COL21A1: variants seen among roughly 807,000 people sequenced by gnomAD.
COL21A1 encodes the protein collagen alpha-1(XXI) chain.
A neutral mutation model predicts 137.9 loss-of-function variants in COL21A1; 149 were observed. That is an observed-to-expected ratio of 1.08 (90% CI 0.95 to 1.24). COL21A1 has a LOEUF of 1.24. COL21A1 is among the 50% of genes most tolerant of loss of function. The pLI is 0.00. For missense variants in COL21A1, 1,167 were observed against 1,158.4 expected, an observed-to-expected ratio of 1.01 and a Z score of -0.11; for synonymous variants, 456 against 391.5, an observed-to-expected ratio of 1.16 and a Z score of -1.95.
intron 1 of COL21A1, among the ~76,000 whole-genome samples, chr6:56,350,313 C>T (rs1241386398): frequency 6.6e-6 from 1 of 152,144 alleles, no homozygotes; most frequent in Non-Finnish European, 1.5e-5. Context: ...GAAGGAGCAA[C>T]AGAGAGGATG....
At chr6:56,158,503 C>T (rs1328125205) in intron 9 of COL21A1, among the ~76,000 whole-genome samples, 1 of 151,870 alleles carries the variant, frequency 6.6e-6, no homozygotes, top group Non-Finnish European at 1.5e-5. Flanking sequence ...AACTCCTGGG[C>T]TCAAGTGATC....
At position 56,132,130 on chromosome 6, in the gene COL21A1, G is replaced by A. The variant is rs187941872; in HGVS notation, c.1543-5981C>T. On this transcript the variant is annotated intron_variant, in intron 12 of 29. Transcript: ENST00000244728. ...ACCAATATAAAATATATTTTTAAAG[G>A]GCTCCATTTATAATAAAAACAAAAG... Among the ~76,000 whole-genome samples, 55 of 150,050 alleles carry A rather than the reference G, an allele frequency of 3.7e-4. No homozygotes were observed. In the East Asian group the frequency reaches 7.6e-3, roughly 21 times the overall value.
intron 23 of COL21A1, among the ~76,000 whole-genome samples, chr6:56,065,332 T>C (rs989711586): frequency 2.0e-5 from 3 of 152,054 alleles, no homozygotes; most frequent in African/African-American, 7.2e-5. Context: ...TAGTAATGAA[T>C]TCATCAATTT....
At chr6:56,276,405 G>T in intron 1 of COL21A1, 2 of 561,494 alleles carry the variant, frequency 3.6e-6, no homozygotes, top group South Asian at 2.3e-5. Context: ...TTTTAAAAAG[G>T]TTTCCTGTTT....
intron 17 of COL21A1, among the ~76,000 whole-genome samples, chr6:56,089,032 C>T (rs749556186): frequency 6.6e-6 from 1 of 152,054 alleles, no homozygotes; most frequent in Non-Finnish European, 1.5e-5. Flanking sequence ...TCAAGTGGTC[C>T]GCCCCCCTTA....
intron 1 of COL21A1, among the ~76,000 whole-genome samples, chr6:56,193,167 G>T (rs572746815): frequency 4.7e-4 from 71 of 152,202 alleles, no homozygotes; most frequent in African/African-American, 1.7e-3. Flanking sequence ...GGCCTGTCAG[G>T]GGGTGGGGGC....
At chr6:56,311,222 T>C (rs1161549398) in intron 1 of COL21A1, among the ~76,000 whole-genome samples, 1 of 152,220 alleles carries the variant, frequency 6.6e-6, no homozygotes, top group Non-Finnish European at 1.5e-5. Flanking sequence ...AAACCAGAGA[T>C]TACAATTCTT....
intron 1 of COL21A1, among the ~76,000 whole-genome samples, chr6:56,348,548 T>C (rs1765643318): frequency 6.6e-6 from 1 of 152,162 alleles, no homozygotes; most frequent in South Asian, 2.1e-4. Context: ...GGAGAGGTTC[T>C]TCTGTAGCAT....
intron 1 of COL21A1, among the ~76,000 whole-genome samples, chr6:56,347,731 G>A (rs548789162): frequency 1.3e-4 from 20 of 152,108 alleles, no homozygotes; most frequent in South Asian, 4.2e-4. Context: ...GGAAGCTTTT[G>A]GGATTTAGAA....
intron 1 of COL21A1, among the ~76,000 whole-genome samples, chr6:56,241,495 C>G (rs1782321483): frequency 1.3e-5 from 2 of 152,104 alleles, no homozygotes; most frequent in Admixed American, 6.6e-5. Context: ...CAAAACTCAG[C>G]CTAGTGTTGC....
intron 1 of COL21A1, among the ~76,000 whole-genome samples, chr6:56,312,349 A>G (rs990276069): frequency 1.2e-4 from 19 of 152,194 alleles, no homozygotes; most frequent in African/African-American, 3.9e-4. Flanking sequence ...TACTTAGGTG[A>G]TAACACAGAA....
intron 1 of COL21A1, among the ~76,000 whole-genome samples, chr6:56,225,272 A>AC (rs1464339908): frequency 1.3e-5 from 2 of 151,798 alleles, no homozygotes; most frequent in East Asian, 1.9e-4. Flanking sequence ...TCTTTTTGAA[A>AC]CCCCCCAAGC....
chr6:56,317,577 A>G (rs1764766260), intron 1 of COL21A1, among the ~76,000 whole-genome samples: 1 of 152,162 alleles, frequency 6.6e-6, no homozygotes, highest in Non-Finnish European at 1.5e-5. Context: ...TCCTCTCCTC[A>G]GTAAATCATG....
intron 24 of COL21A1, among the ~76,000 whole-genome samples, chr6:56,063,137 A>C (rs1025093478): frequency 3.3e-5 from 5 of 152,110 alleles, no homozygotes; most frequent in Non-Finnish European, 5.9e-5. Context: ...CTTCCAACCA[A>C]TCTAGGGCAG....
chr6:56,078,384 G>T (rs189784387), intron 17 of COL21A1, among the ~76,000 whole-genome samples: 75 of 151,612 alleles, frequency 4.9e-4, no homozygotes, highest in Admixed American at 3.1e-3. Context: ...CTATTTTGGT[G>T]ACATTTGAGC....
chr6:56,229,601 C>T (rs1031431956), intron 1 of COL21A1, among the ~76,000 whole-genome samples: 2 of 151,886 alleles, frequency 1.3e-5, no homozygotes, highest in East Asian at 1.9e-4. Context: ...TCATACTCTA[C>T]GTCCACTATG....
At chr6:56,294,382 A>G (rs1245719233) in intron 1 of COL21A1, among the ~76,000 whole-genome samples, 2 of 152,122 alleles carry the variant, frequency 1.3e-5, no homozygotes, top group Non-Finnish European at 2.9e-5. Context: ...TATTTCTACA[A>G]TGTATATTCA....
At chr6:56,368,259 A>T (rs1277279451) in intron 1 of COL21A1, among the ~76,000 whole-genome samples, 1 of 152,210 alleles carries the variant, frequency 6.6e-6, no homozygotes, top group Non-Finnish European at 1.5e-5. Flanking sequence ...GGACAACCTA[A>T]CCATTTTAAA....
At chr6:56,224,923 T>C (rs1364196759) in intron 1 of COL21A1, among the ~76,000 whole-genome samples, 1 of 151,996 alleles carries the variant, frequency 6.6e-6, no homozygotes, top group Non-Finnish European at 1.5e-5. Flanking sequence ...ATCAAACTCA[T>C]GGTGATAAAG....
Sources: allele counts gnomAD v4.1 joint callset (sites outside exome capture counted in the v4.1 genomes callset), GRCh38; gene constraint gnomAD v4.1.1; transcripts MANE v1.5; gene names NCBI Gene and HGNC (gene_info 2026-07-23, HGNC 2026-07-21).